PIEZO2: variants seen among roughly 807,000 people sequenced by gnomAD.
PIEZO2 encodes piezo type mechanosensitive ion channel component 2.
In PIEZO2, 172 loss-of-function variants were observed where a neutral mutation model predicts 337.3. The ratio of observed to expected loss-of-function variants is 0.51; its 90% CI spans 0.45 to 0.58. The LOEUF (loss-of-function observed/expected upper bound fraction) is 0.58, where lower values mean the gene tolerates loss of function less well. PIEZO2 is among the 20% of genes least tolerant of loss of function. The probability of loss-of-function intolerance (pLI) is 0.00; values close to 1 mark genes in which losing one functional copy is unlikely to be tolerated. For missense variants in PIEZO2, 3,028 were observed against 3,391.3 expected, an observed-to-expected ratio of 0.89 and a Z score of 2.66; for synonymous variants, 1,251 against 1,228.5, an observed-to-expected ratio of 1.02 and a Z score of -0.38.
Position 11,146,006 on chromosome 18 carries a change from TACTC to T in PIEZO2, c.64+2515_64+2518del, listed in dbSNP as rs914213639. Among the ~76,000 whole-genome samples the T allele has an allele frequency of 2.6e-5, 4 of 152,110 alleles. No individual in the cohort carries two copies. The highest frequency in any genetic ancestry group is 5.9e-5 in the Non-Finnish European group (4 of 68,012). ...TACCTTCTAACCCCCTACACACTCA[TACTC>T]ACACTCACACATACTCATAACACAT... On this transcript the variant is annotated intron_variant, in intron 1 of 55. Transcript: ENST00000674853. The surrounding 1 kb of genome is among the most constrained non-coding windows in gnomAD (Gnocchi z 6.1).
chr18:10,848,607 C>T (rs2041439155), intron 7 of PIEZO2, among the ~76,000 whole-genome samples: 1 of 152,096 alleles, frequency 6.6e-6, no homozygotes, highest in Admixed American at 6.6e-5. Flanking sequence ...TGAAACCTCA[C>T]AATGTAAGGT....
chr18:10,733,693 C>T (rs2036882294), intron 35 of PIEZO2, among the ~76,000 whole-genome samples: 1 of 152,140 alleles, frequency 6.6e-6, no homozygotes, highest in African/African-American at 2.4e-5. Context: ...CGTGATCTGC[C>T]CGCCTCGGCC....
chr18:10,793,252 C>A (rs2039470540), intron 13 of PIEZO2, among the ~76,000 whole-genome samples: 1 of 146,966 alleles, frequency 6.8e-6, no homozygotes, highest in East Asian at 2.1e-4. Flanking sequence ...GAGCAAAACT[C>A]CGTCTCAAAA....
chr18:10,830,502 A>G lies in PIEZO2; in HGVS notation c.918-23228T>C, dbSNP rs749988838. ...TGCACTTGAATAAAACTAGACCTCT[A>G]TTTCTCTCCATTTACAAACATCAAA... On this transcript the variant is annotated intron_variant, in intron 7 of 55. Transcript: ENST00000674853. This position sits in a 1 kb window ranked among gnomAD's most constrained non-coding sequence, Gnocchi z 4.7. 9.9e-5 allele frequency among the ~76,000 whole-genome samples: 15 copies of G among 151,964 alleles called. No homozygotes were observed. Among genetic ancestry groups the G allele is most frequent in the Non-Finnish European group, 2.1e-4 (14 of 67,998 alleles).
rs562533634 is a variant in PIEZO2 at position 10,953,223 on chromosome 18, G to C, written c.286+26312C>G. On this transcript the variant is annotated intron_variant, in intron 3 of 55. Transcript: ENST00000674853. This position sits in a 1 kb window ranked among gnomAD's most constrained non-coding sequence, Gnocchi z 5.2. ...TATTGTATTAACACTGGATTTTGAA[G>C]AGCAGAAGTTCTTCATTTTGATGAA... 3.9e-5 allele frequency among the ~76,000 whole-genome samples: 6 copies of C among 152,104 alleles called. No individual in the cohort carries two copies. The highest frequency in any genetic ancestry group is 5.9e-5 in the Non-Finnish European group (4 of 68,026).
chr18:10,729,450 C>A (rs1286551745), intron 36 of PIEZO2, among the ~76,000 whole-genome samples: 3 of 151,942 alleles, frequency 2.0e-5, no homozygotes, highest in Admixed American at 2.0e-4. Flanking sequence ...CATGGTGAAA[C>A]TCCGTCTCTA....
chr18:10,886,557 G>A (rs1476672424), intron 4 of PIEZO2, among the ~76,000 whole-genome samples: 7 of 112,168 alleles, frequency 6.2e-5, no homozygotes, highest in African/African-American at 1.2e-4. Flanking sequence ...CTATGATACA[G>A]GTTAATTTAT....
intron 1 of PIEZO2, among the ~76,000 whole-genome samples, chr18:11,093,842 A>T (rs2039177411): frequency 6.6e-6 from 1 of 152,144 alleles, no homozygotes; most frequent in Admixed American, 6.5e-5. Context: ...TTTTCTGTTC[A>T]TCCCCTCAGG....
intron 7 of PIEZO2, among the ~76,000 whole-genome samples, chr18:10,839,776 C>T (rs985547381): frequency 7.9e-6 from 1 of 126,800 alleles, no homozygotes; most frequent in Non-Finnish European, 1.8e-5. Context: ...CAAGGAGTAT[C>T]ATTTTTTTTT....
intron 43 of PIEZO2, among the ~76,000 whole-genome samples, chr18:10,699,514 T>C (rs1289359925): frequency 6.6e-6 from 1 of 152,186 alleles, no homozygotes; most frequent in African/African-American, 2.4e-5. Flanking sequence ...GACTTGCTCC[T>C]GCTCCCCTTC....
At chr18:10,690,533 C>T (rs1259945313) in intron 48 of PIEZO2, among the ~76,000 whole-genome samples, 1 of 152,186 alleles carries the variant, frequency 6.6e-6, no homozygotes, top group Non-Finnish European at 1.5e-5. Context: ...ACATCAGGCC[C>T]AGTCACAGGC....
At chr18:10,701,930 G>T in intron 43 of PIEZO2, 59 bp downstream of exon 43, 2 of 1,381,198 alleles carry the variant, frequency 1.4e-6, no homozygotes, top group African/African-American at 1.5e-5. Flanking sequence ...GGAAGATTAC[G>T]GTCCAGGTTA....
rs2039513763 is a variant in PIEZO2 at position 11,104,766 on chromosome 18, A to AT, written c.65-38545dup. On this transcript the variant is annotated intron_variant, in intron 1 of 55. Transcript: ENST00000674853. The surrounding 1 kb of genome is among the most constrained non-coding windows in gnomAD (Gnocchi z 4.6). The stretch of plus-strand genomic sequence containing the variant: ...TTGCAAAGCACTGAGATGTTGGGAC[A>AT]TAACTACAATGCAGTATAACGGCGC... Among the ~76,000 whole-genome samples, 1 of 152,232 alleles carries AT rather than the reference A, an allele frequency of 6.6e-6. No individual in the cohort carries two copies. Among genetic ancestry groups the AT allele is most frequent in the Non-Finnish European group, 1.5e-5 (1 of 68,052 alleles).
intron 1 of PIEZO2, among the ~76,000 whole-genome samples, chr18:11,141,045 A>G (rs541716895): frequency 2.4e-4 from 36 of 152,162 alleles, no homozygotes; most frequent in Non-Finnish European, 4.7e-4. Context: ...AAACTTTAAT[A>G]AGCAGAGTTA....
intron 48 of PIEZO2, among the ~76,000 whole-genome samples, chr18:10,690,427 C>T (rs77419097): frequency 0.01 from 1,578 of 152,274 alleles, 21 homozygotes; most frequent in African/African-American, 0.036. Context: ...CTGGGTTCTC[C>T]CAGGGCCCTC....
Position 10,673,496 on chromosome 18 carries a change from C to T in PIEZO2, c.8162-623G>A, listed in dbSNP as rs543086846. Among the ~76,000 whole-genome samples the T allele has an allele frequency of 3.3e-5, 5 of 152,230 alleles. No individual in the cohort carries two copies. The South Asian group carries it at 1.0e-3, about 32-fold the overall frequency. ...TGAGCTGAGATTCGCCAAGTGAGAA[C>T]TTCAATAGGTGAAGGTGGGTGAGGA... On this transcript the variant is annotated intron_variant, in intron 54 of 55. Coordinates refer to ENST00000674853, the MANE Select transcript of PIEZO2 (RefSeq NM_001378183.1). This position sits in a 1 kb window ranked among gnomAD's most constrained non-coding sequence, Gnocchi z 4.8.
rs557263603 is a variant in PIEZO2 at position 10,876,279 on chromosome 18, T to C, written c.330-4864A>G. ...GAGAAACTCACAATGCATACTATTA[T>C]ACTAAAAGACTTGAGAAGTTCTGTA... is the stretch of plus-strand genomic sequence containing the variant. On this transcript the variant is annotated intron_variant, in intron 4 of 55. Transcript: ENST00000674853. Among the ~76,000 whole-genome samples, 25 of 152,374 alleles carry C rather than the reference T, an allele frequency of 1.6e-4. No homozygotes were observed. In the South Asian group the frequency reaches 5.2e-3, roughly 32 times the overall value.
At chr18:10,762,781 A>G (rs2038192100) in intron 22 of PIEZO2, 141 bp downstream of exon 22, 2 of 1,317,626 alleles carry the variant, frequency 1.5e-6, no homozygotes, top group East Asian at 5.0e-5. Flanking sequence ...GGCTTAACAC[A>G]GGCCCAGAGC....
chr18:10,708,216 C>T lies in PIEZO2; in HGVS notation c.5588+59G>A, dbSNP rs879627570. The stretch of plus-strand genomic sequence containing the variant: ...TCACAAGAACTTATATTTGCAGTGA[C>T]ATAAAGGGGGGGAAGAGGTGATTAA... On this transcript the variant is annotated intron_variant, in intron 40 of 55. Transcript: ENST00000674853. 5.1e-5 allele frequency: 7 copies of T among 137,450 alleles called. No individual in the cohort carries two copies. The South Asian group carries it at 7.0e-4, about 14-fold the overall frequency. 8.5% of individuals were successfully genotyped at this position (137,450 alleles called of 1,614,324 possible). A position where few individuals can be genotyped will look rare whatever the true frequency, so the allele number is the denominator to read the frequency against.
Sources: gnomAD v4.1 joint callset for allele counts (sites outside exome capture counted in the v4.1 genomes callset) on GRCh38, gnomAD v4.1.1 for gene constraint, Gnocchi (gnomAD v3.1) non-coding constraint, MANE v1.5 for transcripts, NCBI Gene and HGNC (gene_info 2026-07-23, HGNC 2026-07-21) for gene names.